Variants in TMEM63C observed in about 807,000 individuals in gnomAD.
TMEM63C encodes the protein osmosensitive cation channel TMEM63C.
A neutral mutation model predicts 99.2 loss-of-function variants in TMEM63C; 32 were observed. The observed-to-expected ratio is 0.32, with a 90% CI of 0.24 to 0.43. TMEM63C has a LOEUF of 0.43. TMEM63C is among the 20% of genes least tolerant of loss of function. TMEM63C has a pLI of 1.00. For missense variants in TMEM63C, 826 were observed against 1,053.0 expected, an observed-to-expected ratio of 0.78 and a Z score of 2.98; for synonymous variants, 376 against 397.9, an observed-to-expected ratio of 0.94 and a Z score of 0.66.
intron 6 of TMEM63C, among the ~76,000 whole-genome samples, chr14:77,231,092 C>T (rs1243455167): frequency 1.4e-4 from 21 of 152,222 alleles, no homozygotes; most frequent in African/African-American, 4.3e-4. Flanking sequence ...GAACTCCCAG[C>T]GCCCCACACT....
Position 77,248,750 on chromosome 14 carries a change from C to A in TMEM63C, c.1765-17C>A, listed in dbSNP as rs762067383. Reference sequence around the variant, plus strand: ...GGGACTGGGCCACCTCAGGGTGACACCTGCCTTCTGCCCCAGAACCAGGCC... The same window carrying A: ...GGGACTGGGCCACCTCAGGGTGACAACTGCCTTCTGCCCCAGAACCAGGCC... On this transcript the variant is annotated splice_polypyrimidine_tract_variant and intron_variant, in intron 19 of 23. Coordinates refer to ENST00000298351, the MANE Select transcript of TMEM63C (RefSeq NM_020431.4). The A allele has an allele frequency of 3.1e-6, 5 of 1,611,892 alleles. No individual in the cohort carries two copies. Among genetic ancestry groups the A allele is most frequent in the Non-Finnish European group, 3.4e-6 (4 of 1,177,984 alleles).
At position 77,249,456 on chromosome 14, in the gene TMEM63C, T is replaced by G; in HGVS notation, c.2036T>G (p.Leu679Trp). The G allele has an allele frequency of 1.2e-6, 2 of 1,613,920 alleles. No individual in the cohort carries two copies. Among genetic ancestry groups the G allele is most frequent in the Non-Finnish European group, 1.7e-6 (2 of 1,179,846 alleles). Residue 679 changes from leucine to tryptophan, a missense_variant and splice_region_variant, in exon 21 of 24, where the codon TTG becomes TGG. Coordinates refer to ENST00000298351, the MANE Select transcript of TMEM63C (RefSeq NM_020431.4). The stretch of plus-strand genomic sequence containing the variant: ...ATGCTGTTCTTCTCCATCCTGCGGT[T>G]GGGTAGGTACCAAGCCAGCCTGGAG... ...FWMLFFSILR[L>W]GSLHAITIFS...
rs1379948199 is a variant in TMEM63C at position 77,214,070 on chromosome 14, T to C, written c.-14+562T>C. On this transcript the variant is annotated intron_variant, in intron 2 of 23. Coordinates refer to ENST00000298351, the MANE Select transcript of TMEM63C (RefSeq NM_020431.4). ...CCCTGCTTCAATCCCTTTACCTTCA[T>C]TCCTTCTCCATCCCCATCTCTCAGC... 2.0e-5 allele frequency among the ~76,000 whole-genome samples: 3 copies of C among 152,140 alleles called. No individual in the cohort carries two copies. In the East Asian group the frequency reaches 5.8e-4, roughly 29 times the overall value.
Position 77,256,849 on chromosome 14 carries a change from G to A in TMEM63C, c.*123G>A. ...TGCAGACTTTGAGAAGCCCACAGTGGAGACATCCACCACCCCAGCCATGGG... is the reference window on the plus strand; with the variant it reads ...TGCAGACTTTGAGAAGCCCACAGTGAAGACATCCACCACCCCAGCCATGGG... On this transcript the variant is annotated 3_prime_UTR_variant, in exon 24 of 24. Coordinates refer to ENST00000298351, the MANE Select transcript of TMEM63C (RefSeq NM_020431.4). The A allele has an allele frequency of 5.6e-6, 5 of 899,920 alleles. No homozygotes were observed. The highest frequency in any genetic ancestry group is 8.3e-6 in the Non-Finnish European group (5 of 600,370). 55.7% of individuals were successfully genotyped at this position (899,920 alleles called of 1,614,324 possible).
intron 5 of TMEM63C, among the ~76,000 whole-genome samples, chr14:77,221,970 G>A (rs186393128): frequency 3.3e-4 from 50 of 151,798 alleles, no homozygotes; most frequent in African/African-American, 7.7e-4. Context: ...CCTCCACACC[G>A]GGAGTCCCCC....
In TMEM63C at chr14:77,200,485, A is replaced by G. The variant is rs1006566808; in HGVS notation, c.-76-12961A>G. On this transcript the variant is annotated intron_variant, in intron 1 of 23. Transcript: ENST00000298351. ...CCCCCAGGCCCTGTGAGGCCCTGTG[A>G]GCCAGACCCACAGCCTCTGCCATCT... Among the ~76,000 whole-genome samples, 6 of 152,334 alleles carry G rather than the reference A, an allele frequency of 3.9e-5. No homozygotes were observed. In the South Asian group the frequency reaches 8.3e-4, roughly 21 times the overall value.
intron 5 of TMEM63C, among the ~76,000 whole-genome samples, chr14:77,223,796 T>C (rs1888769169): frequency 6.6e-6 from 1 of 152,100 alleles, no homozygotes; most frequent in African/African-American, 2.4e-5. Context: ...GCACCTGTAG[T>C]GGAAGGGGCA....
chr14:77,194,790 G>A (rs1019351099), intron 1 of TMEM63C, among the ~76,000 whole-genome samples: 2 of 150,610 alleles, frequency 1.3e-5, no homozygotes, highest in African/African-American at 4.9e-5. Flanking sequence ...CCATGTTGCC[G>A]AAGCTGGTCT....
chr14:77,254,648 G>A (rs1431129369), intron 23 of TMEM63C, among the ~76,000 whole-genome samples: 2 of 152,096 alleles, frequency 1.3e-5, no homozygotes, highest in East Asian at 3.9e-4. Context: ...CAGAAGTTCC[G>A]TCAATATAGA....
intron 22 of TMEM63C, 56 bp downstream of exon 22, chr14:77,251,954 T>G (rs1275085839): frequency 7.3e-7 from 1 of 1,364,906 alleles, no homozygotes; most frequent in Non-Finnish European, 1.0e-6. Context: ...GGGACACAGC[T>G]GTAGGATACT....
intron 1 of TMEM63C, among the ~76,000 whole-genome samples, chr14:77,202,188 A>T (rs1888310522): frequency 6.6e-6 from 1 of 152,230 alleles, no homozygotes. Flanking sequence ...ATATGAACAC[A>T]TAAATATGCA....
At chr14:77,214,893 TCC>T (rs1232904001) in intron 2 of TMEM63C, among the ~76,000 whole-genome samples, 2 of 152,222 alleles carry the variant, frequency 1.3e-5, no homozygotes, top group South Asian at 2.1e-4. Flanking sequence ...TTCTTCTACC[TCC>T]CCTTGGAACT....
intron 1 of TMEM63C, among the ~76,000 whole-genome samples, chr14:77,204,598 C>A (rs532448798): frequency 2.0e-5 from 3 of 152,370 alleles, no homozygotes; most frequent in Admixed American, 6.5e-5. Flanking sequence ...GCCAAGGGCT[C>A]TGTTGTCAAG....
At chr14:77,185,051 C>T (rs1887974225) in intron 1 of TMEM63C, among the ~76,000 whole-genome samples, 1 of 152,196 alleles carries the variant, frequency 6.6e-6, no homozygotes, top group Admixed American at 6.5e-5. Context: ...GAAGGGGCGC[C>T]TCATTGTCAC....
chr14:77,188,623 C>G (rs947640626), intron 1 of TMEM63C, among the ~76,000 whole-genome samples: 6 of 152,150 alleles, frequency 3.9e-5, no homozygotes, highest in African/African-American at 1.4e-4. Context: ...AATCCCAGCA[C>G]TTTGGAGGCC....
intron 1 of TMEM63C, among the ~76,000 whole-genome samples, chr14:77,193,666 C>T (rs1160113250): frequency 6.6e-6 from 1 of 152,122 alleles, no homozygotes; most frequent in Admixed American, 6.5e-5. Context: ...GAAACCCCGT[C>T]TCTGTTAAAA....
chr14:77,208,521 C>T (rs1888443793), intron 1 of TMEM63C, among the ~76,000 whole-genome samples: 1 of 152,302 alleles, frequency 6.6e-6, no homozygotes, highest in Non-Finnish European at 1.5e-5. Context: ...CTCCCTTCAG[C>T]CTTGTAAATC....
chr14:77,214,977 A>G (rs1004364832), intron 2 of TMEM63C, among the ~76,000 whole-genome samples: 16 of 152,074 alleles, frequency 1.1e-4, no homozygotes, highest in African/African-American at 3.9e-4. Context: ...ACAGCAAATC[A>G]TTACAATTAT....
At chr14:77,193,246 A>G (rs1911728) in intron 1 of TMEM63C, among the ~76,000 whole-genome samples, 72,532 of 152,102 alleles carry the variant, frequency 0.48, 19,083 homozygotes, top group East Asian at 0.77. Flanking sequence ...AAATCCAACA[A>G]TCTGATAATG....
Sources: gnomAD v4.1 joint callset for allele counts (sites outside exome capture counted in the v4.1 genomes callset) on GRCh38, gnomAD v4.1.1 for gene constraint, MANE v1.5 for transcripts, NCBI Gene and HGNC (gene_info 2026-07-23, HGNC 2026-07-21) for gene names.